The following TLR4 variants were observed in gnomAD, a reference collection of about 807,000 sequenced individuals.
TLR4 encodes toll-like receptor 4.
A neutral mutation model predicts 27.4 loss-of-function variants in TLR4; 17 were observed. That is an observed-to-expected ratio of 0.62 (90% confidence interval 0.42 to 0.93). The LOEUF (loss-of-function observed/expected upper bound fraction) is 0.93, where lower values mean the gene tolerates loss of function less well. TLR4 is among the 40% of genes least tolerant of loss of function. The pLI is 0.00. For synonymous variants in TLR4, 363 were observed against 365.7 expected (o/e 0.99, Z 0.08); for missense variants, 926 against 962.3 (o/e 0.96, Z 0.50).
At position 117,718,810 on chromosome 9, in the gene TLR4, C is replaced by T. The variant is rs954486259; in HGVS notation, c.*4162C>T. On this transcript the variant is annotated 3_prime_UTR_variant, in exon 3 of 3. Coordinates refer to ENST00000355622, the MANE Select transcript of TLR4 (RefSeq NM_138554.5). Reference sequence around the variant, plus strand: ...ACTAGGAGAAGCACTGGGAGGTCTTCTCAGTAACAACACTAAAGTAATTGC... The same window carrying T: ...ACTAGGAGAAGCACTGGGAGGTCTTTTCAGTAACAACACTAAAGTAATTGC... The T allele has an allele frequency of 1.3e-5, 2 of 152,158 alleles. No individual in the cohort carries two copies. Among genetic ancestry groups the T allele is most frequent in the African/African-American group, 2.4e-5 (1 of 41,436 alleles). The allele number at this position is 152,158 out of a possible 1,614,324, so 9.4% of individuals were successfully genotyped here.
At chr9:117,709,379 G>A (rs1237811516) in intron 2 of TLR4, among the ~76,000 whole-genome samples, 1 of 152,098 alleles carries the variant, frequency 6.6e-6, no homozygotes, top group African/African-American at 2.4e-5. Flanking sequence ...TAAAACTAGT[G>A]TACAGGATAG....
At position 117,712,635 on chromosome 9, in the gene TLR4, G is replaced by C. The variant is rs201912905; in HGVS notation, c.507G>C (p.Glu169Asp). The change falls in exon 3 of 3, where the codon GAG (glutamate) becomes GAC (aspartate). Residue 169 changes from glutamate (E) to aspartate (D), a missense_variant. Glu to Asp is a conservative substitution (Grantham distance 45, BLOSUM62 2). Transcript: ENST00000355622. The stretch of plus-strand genomic sequence containing the variant: ...TTATCCAATCTTTCAAATTACCTGA[G>C]TATTTTTCTAATCTGACCAATCTAG... ...HNLIQSFKLP[E>D]YFSNLTNLEH... is the part of the protein sequence containing the mutation. 1 of 1,614,004 alleles carries C rather than the reference G, an allele frequency of 6.2e-7. No homozygotes were observed. Among genetic ancestry groups the C allele is most frequent in the South Asian group, 1.1e-5 (1 of 91,074 alleles).
At chr9:117,711,120 G>T (rs2131167990) in intron 2 of TLR4, among the ~76,000 whole-genome samples, 1 of 152,244 alleles carries the variant, frequency 6.6e-6, no homozygotes, top group South Asian at 2.1e-4. Context: ...CACACAGTAG[G>T]AGAGGACTGC....
At chr9:117,709,346 G>A (rs1416635363) in intron 2 of TLR4, among the ~76,000 whole-genome samples, 1 of 152,096 alleles carries the variant, frequency 6.6e-6, no homozygotes, top group Non-Finnish European at 1.5e-5. Context: ...AACTGCATAA[G>A]ATTCAAACAA....
At position 117,712,809 on chromosome 9, in the gene TLR4, G is replaced by A. The variant is rs1564265540; in HGVS notation, c.681G>A (p.Arg227=). 6.2e-7 allele frequency: 1 copy of A among 1,613,916 alleles called. No homozygotes were observed. The change falls in exon 3 of 3, where the codon AGG becomes AGA. Residue 227 remains arginine (R), a synonymous_variant. Transcript: ENST00000355622. ...AACCAGGTGCATTTAAAGAAATTAG[G>A]CTTCATAAGCTGACTTTAAGAAATA... ...FIQPGAFKEI[R]LHKLTLRNNF...
In TLR4 at chr9:117,713,781, C is replaced by G; in HGVS notation, c.1653C>G (p.Tyr551Ter). The change falls in exon 3 of 3, where the codon TAC (tyrosine) becomes TAG (stop). Residue 551 changes from tyrosine to a stop codon, truncating the protein, a stop_gained. Transcript: ENST00000355622. LOFTEE classifies it high-confidence loss of function. ...TGAACTCCCTCCAGGTTCTTGATTA[C>G]AGTCTCAATCACATAATGACTTCCA... ...KCLNSLQVLD[Y>*]SLNHIMTSKK... 6.2e-7 allele frequency: 1 copy of G among 1,613,964 alleles called. No homozygotes were observed. The highest frequency in any genetic ancestry group is 8.5e-7 in the Non-Finnish European group (1 of 1,180,002).
At position 117,714,014 on chromosome 9, in the gene TLR4, T is replaced by G; in HGVS notation, c.1886T>G (p.Met629Arg). ...CTGAGTTTGAATATCACCTGTCAGATGAATAAGACCATCATTGGTGTGTCG... is the reference window on the plus strand; with the variant it reads ...CTGAGTTTGAATATCACCTGTCAGAGGAATAAGACCATCATTGGTGTGTCG... Reference protein sequence around the residue: ...PVLSLNITCQMNKTIIGVSVL... With the variant: ...PVLSLNITCQRNKTIIGVSVL... Residue 629 changes from methionine to arginine, a missense_variant, in exon 3 of 3, where the codon ATG (methionine) becomes AGG (arginine). By Grantham distance (91) the Met-to-Arg change is moderately conservative. Transcript: ENST00000355622. 1 of 1,614,016 alleles carries G rather than the reference T, an allele frequency of 6.2e-7. No homozygotes were observed. Among genetic ancestry groups the G allele is most frequent in the Non-Finnish European group, 8.5e-7 (1 of 1,179,988 alleles).
At chr9:117,707,422 A>C (rs757476977) in intron 1 of TLR4, among the ~76,000 whole-genome samples, 2 of 152,228 alleles carry the variant, frequency 1.3e-5, no homozygotes, top group African/African-American at 2.4e-5. Flanking sequence ...ATAATAATTA[A>C]TGTTGACATC....
At position 117,713,008 on chromosome 9, in the gene TLR4, G is replaced by C. The variant is rs139736045; in HGVS notation, c.880G>C (p.Asp294His). Residue 294 changes from aspartate to histidine, a missense_variant, in exon 3 of 3, where the codon GAC (aspartate) becomes CAC (histidine). Physicochemically the swap from Asp to His is moderately conservative, Grantham distance 81. Coordinates refer to ENST00000355622, the MANE Select transcript of TLR4 (RefSeq NM_138554.5). ...TIEEFRLAYL[D>H]YYLDDIIDLF... ...TGAAGAATTCCGATTAGCATACTTA[G>C]ACTACTACCTCGATGATATTATTGA... The C allele has an allele frequency of 7.4e-6, 12 of 1,614,028 alleles. No individual in the cohort carries two copies.
chr9:117,711,390 G>C (rs1699090380), intron 2 of TLR4, among the ~76,000 whole-genome samples: 1 of 152,188 alleles, frequency 6.6e-6, no homozygotes, highest in Non-Finnish European at 1.5e-5. Context: ...TTGGCTTGCT[G>C]TTTGCTGGCT....
In TLR4 at chr9:117,719,954, G is replaced by A. The variant is rs554512115; in HGVS notation, c.*5306G>A. 5.9e-5 allele frequency: 9 copies of A among 152,290 alleles called. No homozygotes were observed. The East Asian group carries it at 1.4e-3, about 23-fold the overall frequency. The allele number at this position is 152,290 out of a possible 1,614,324, so 9.4% of individuals were successfully genotyped here. ...TTCTCATTTTAGAAATGAGAAAAGA[G>A]ATGCCCAGAGAGGACGAGTAACTTG... On this transcript the variant is annotated 3_prime_UTR_variant, in exon 3 of 3. Coordinates refer to ENST00000355622, the MANE Select transcript of TLR4 (RefSeq NM_138554.5).
rs1829359667 is a variant in TLR4 at position 117,717,017 on chromosome 9, G to A, written c.*2369G>A. The A allele has an allele frequency of 6.6e-6, 1 of 152,172 alleles. No individual in the cohort carries two copies. The highest frequency in any genetic ancestry group is 1.5e-5 in the Non-Finnish European group (1 of 68,030). 9.4% of individuals were successfully genotyped at this position (152,172 alleles called of 1,614,324 possible). On this transcript the variant is annotated 3_prime_UTR_variant, in exon 3 of 3. Transcript: ENST00000355622. ...AGGTCTAGGGTGATTGAACATCCCT[G>A]GGTGTGTTTCCATGTCTCATGTACT...
chr9:117,705,818 A>G (rs73655841), intron 1 of TLR4, among the ~76,000 whole-genome samples: 3,563 of 152,254 alleles, frequency 0.023, 148 homozygotes, highest in African/African-American at 0.081. Flanking sequence ...AACTTTTAAT[A>G]ACTCTCCATT....
In TLR4 at chr9:117,719,424, T is replaced by C. The variant is rs915303801; in HGVS notation, c.*4776T>C. ...AGCAGGGCTTCTAAATACTGTTCTA[T>C]GGCAAGAGCACCCTGCTCTCACAAA... On this transcript the variant is annotated 3_prime_UTR_variant, in exon 3 of 3. Transcript: ENST00000355622. 2 of 152,192 alleles carry C rather than the reference T, an allele frequency of 1.3e-5. No individual in the cohort carries two copies. The highest frequency in any genetic ancestry group is 3.9e-4 in the East Asian group (2 of 5,190). 9.4% of individuals were successfully genotyped at this position (152,192 alleles called of 1,614,324 possible). A position where few individuals can be genotyped will look rare whatever the true frequency, so the allele number is the denominator to read the frequency against.
In TLR4 at chr9:117,714,408, G is replaced by C. The variant is rs758897905; in HGVS notation, c.2280G>C (p.Leu760=). The C allele has an allele frequency of 6.2e-7, 1 of 1,611,940 alleles. No individual in the cohort carries two copies. The change falls in exon 3 of 3, where the codon CTG becomes CTC. Residue 760 remains leucine (L), a synonymous_variant. Coordinates refer to ENST00000355622, the MANE Select transcript of TLR4 (RefSeq NM_138554.5). ...AGATTGCTCAGACCTGGCAGTTTCT[G>C]AGCAGTCGTGCTGGTATCATCTTCA... The part of the protein sequence containing the change: ...EYEIAQTWQF[L]SSRAGIIFIV...
At position 117,723,071 on chromosome 9, in the gene TLR4, C is replaced by G. The variant is rs183388168; in HGVS notation, c.*8423C>G. On this transcript the variant is annotated 3_prime_UTR_variant, in exon 3 of 3. Transcript: ENST00000355622. ...AATGAACCAAACGGCTGCTGAGGGT[C>G]AGGCCAGCTCTCTGACATTCTAGCA... 4.9e-4 allele frequency: 75 copies of G among 152,278 alleles called. No individual in the cohort carries two copies. The highest frequency in any genetic ancestry group is 1.7e-3 in the African/African-American group (71 of 41,550). 9.4% of individuals were successfully genotyped at this position (152,278 alleles called of 1,614,324 possible).
Position 117,717,045 on chromosome 9 carries a change from T to C in TLR4, c.*2397T>C, listed in dbSNP as rs781329463. The C allele has an allele frequency of 6.6e-6, 1 of 152,156 alleles. No individual in the cohort carries two copies. The highest frequency in any genetic ancestry group is 2.4e-5 in the African/African-American group (1 of 41,444). The allele number at this position is 152,156 out of a possible 1,614,324, so 9.4% of individuals were successfully genotyped here. A position where few individuals can be genotyped will look rare whatever the true frequency, so the allele number is the denominator to read the frequency against. On this transcript the variant is annotated 3_prime_UTR_variant, in exon 3 of 3. Transcript: ENST00000355622. ...TGTGTTTCCATGTCTCATGTACTAG[T>C]GAAAGTAGATGTGTGCATTTGTGCA...
At position 117,718,214 on chromosome 9, in the gene TLR4, G is replaced by T. The variant is rs1484072269; in HGVS notation, c.*3566G>T. 6.6e-6 allele frequency: 1 copy of T among 152,016 alleles called. No homozygotes were observed. Among genetic ancestry groups the T allele is most frequent in the Non-Finnish European group, 1.5e-5 (1 of 67,988 alleles). The allele number at this position is 152,016 out of a possible 1,614,324, so 9.4% of individuals were successfully genotyped here. A position where few individuals can be genotyped will look rare whatever the true frequency, so the allele number is the denominator to read the frequency against. ...ACAAAACCTGAGCCTGGGCCTCCAG[G>T]TCACTCAAGGACACTTTCTTTCTTC... On this transcript the variant is annotated 3_prime_UTR_variant, in exon 3 of 3. Coordinates refer to ENST00000355622, the MANE Select transcript of TLR4 (RefSeq NM_138554.5).
rs1181026565 is a variant in TLR4 at position 117,714,333 on chromosome 9, T to C, written c.2205T>C (p.Val735=). The change falls in exon 3 of 3, where the codon GTT becomes GTC. Residue 735 remains valine (V), a synonymous_variant. Coordinates refer to ENST00000355622, the MANE Select transcript of TLR4 (RefSeq NM_138554.5). ...TCCATAAAAGCCGAAAGGTGATTGT[T>C]GTGGTGTCCCAGCACTTCATCCAGA... is the stretch of plus-strand genomic sequence containing the variant. The part of the protein sequence containing the change: ...EGFHKSRKVI[V]VVSQHFIQSR... The C allele has an allele frequency of 6.3e-7, 1 of 1,599,224 alleles. No homozygotes were observed. Among genetic ancestry groups the C allele is most frequent in the Non-Finnish European group, 8.6e-7 (1 of 1,168,196 alleles).
Sources: gnomAD v4.1 joint callset for allele counts (sites outside exome capture counted in the v4.1 genomes callset) on GRCh38, gnomAD v4.1.1 for gene constraint, MANE v1.5 for transcripts, NCBI Gene and HGNC (gene_info 2026-07-23, HGNC 2026-07-21) for gene names.